Variants in KCND2 observed in about 807,000 individuals in gnomAD.
The protein encoded by KCND2 is potassium voltage-gated channel subfamily D member 2, also known as A-type voltage-gated potassium channel KCND2.
Under a neutral mutation model 54.4 loss-of-function variants are expected in KCND2, and 16 were observed. The observed-to-expected ratio is 0.29, with a 90% CI of 0.20 to 0.45. The LOEUF is 0.45. KCND2 is among the 20% of genes least tolerant of loss of function. The pLI is 1.00. For synonymous variants in KCND2, 317 were observed against 310.7 expected (o/e 1.02, Z -0.21); for missense variants, 486 against 824.2 (o/e 0.59, Z 5.02).
At chr7:120,643,545 C>T (rs1010610108) in intron 1 of KCND2, among the ~76,000 whole-genome samples, 10 of 151,898 alleles carry the variant, frequency 6.6e-5, no homozygotes, top group Admixed American at 1.3e-4. Flanking sequence ...AAGTAAATGA[C>T]GTGCTATTTA....
chr7:120,486,631 A>C (rs1447024924), intron 1 of KCND2, among the ~76,000 whole-genome samples: 1 of 152,016 alleles, frequency 6.6e-6, no homozygotes, highest in African/African-American at 2.4e-5. Context: ...TAAAATTTCC[A>C]TGCTGAAAAA....
chr7:120,319,994 G>T (rs1008297261), intron 1 of KCND2, among the ~76,000 whole-genome samples: 2 of 151,976 alleles, frequency 1.3e-5, no homozygotes, highest in African/African-American at 4.8e-5. Context: ...ATGCAAAAGT[G>T]CAAGATTGTT....
chr7:120,731,719 C>G (rs1792809105), intron 1 of KCND2, among the ~76,000 whole-genome samples: 1 of 152,170 alleles, frequency 6.6e-6, no homozygotes, highest in East Asian at 1.9e-4. Context: ...ATCTATGGCT[C>G]TGGCAAGAAA....
chr7:120,403,903 C>A (rs749488081), intron 1 of KCND2, among the ~76,000 whole-genome samples: 3 of 151,964 alleles, frequency 2.0e-5, no homozygotes, highest in African/African-American at 7.2e-5. Context: ...TTAAAAGAAT[C>A]TCAAGGTATT....
chr7:120,477,023 G>A (rs1802543243), intron 1 of KCND2, among the ~76,000 whole-genome samples: 1 of 152,194 alleles, frequency 6.6e-6, no homozygotes, highest in African/African-American at 2.4e-5. Flanking sequence ...TGCAACACCA[G>A]TGTATTTCTC....
At chr7:120,623,718 T>A (rs983868649) in intron 1 of KCND2, among the ~76,000 whole-genome samples, 1 of 152,154 alleles carries the variant, frequency 6.6e-6, no homozygotes, top group South Asian at 2.1e-4. Context: ...GTAAAATGGA[T>A]GATAGAAACA....
At chr7:120,299,152 C>A (rs1417658558) in intron 1 of KCND2, among the ~76,000 whole-genome samples, 1 of 151,784 alleles carries the variant, frequency 6.6e-6, no homozygotes, top group African/African-American at 2.4e-5. Context: ...AAGAGCGAAA[C>A]TCTGTCTAAA....
At chr7:120,445,122 A>G (rs1220745713) in intron 1 of KCND2, among the ~76,000 whole-genome samples, 1 of 152,284 alleles carries the variant, frequency 6.6e-6, no homozygotes, top group African/African-American at 2.4e-5. Context: ...AAGAAATGCA[A>G]TATTCTTTCA....
intron 1 of KCND2, among the ~76,000 whole-genome samples, chr7:120,383,385 TAAG>T (rs2116032208): frequency 6.6e-6 from 1 of 152,136 alleles, no homozygotes; most frequent in Admixed American, 6.6e-5. Context: ...ACAAATTACT[TAAG>T]AAACAATATA....
intron 1 of KCND2, among the ~76,000 whole-genome samples, chr7:120,377,244 T>A (rs1256306897): frequency 6.6e-6 from 1 of 151,946 alleles, no homozygotes; most frequent in Non-Finnish European, 1.5e-5. Flanking sequence ...GGATATAGAT[T>A]TATTTTTGAA....
chr7:120,731,964 C>T (rs1179519420), intron 1 of KCND2, among the ~76,000 whole-genome samples: 1 of 151,980 alleles, frequency 6.6e-6, no homozygotes, highest in African/African-American at 2.4e-5. Context: ...ATGAGAGTTC[C>T]ATTTTGGTTA....
chr7:120,516,638 T>TC (rs1803201061), intron 1 of KCND2, among the ~76,000 whole-genome samples: 1 of 152,128 alleles, frequency 6.6e-6, no homozygotes, highest in Non-Finnish European at 1.5e-5. Flanking sequence ...TGCCGGACTC[T>TC]CCAAGTGCTG....
At chr7:120,503,241 AGTTTTCCATTTTAT>A (rs1802962822) in intron 1 of KCND2, among the ~76,000 whole-genome samples, 1 of 152,066 alleles carries the variant, frequency 6.6e-6, no homozygotes, top group Non-Finnish European at 1.5e-5. Context: ...ATTTTGCTAC[AGTTTTCCATTTTAT>A]TTATGAAACA....
At chr7:120,724,475 G>A (rs1284145173) in intron 1 of KCND2, among the ~76,000 whole-genome samples, 2 of 152,206 alleles carry the variant, frequency 1.3e-5, no homozygotes, top group Non-Finnish European at 2.9e-5. Context: ...GAAATGGAAA[G>A]ACGTAGTACA....
At chr7:120,359,676 GC>G (rs1554431099) in intron 1 of KCND2, among the ~76,000 whole-genome samples, 3 of 152,052 alleles carry the variant, frequency 2.0e-5, no homozygotes, top group Non-Finnish European at 4.4e-5. Flanking sequence ...GCATCAAAAA[GC>G]TTTTGAGCAG....
At chr7:120,566,669 A>G (rs964441443) in intron 1 of KCND2, among the ~76,000 whole-genome samples, 1 of 152,130 alleles carries the variant, frequency 6.6e-6, no homozygotes, top group Non-Finnish European at 1.5e-5. Flanking sequence ...AATTCCCATT[A>G]CTATTTTTGT....
intron 1 of KCND2, among the ~76,000 whole-genome samples, chr7:120,686,351 G>C (rs570479348): frequency 3.4e-4 from 52 of 151,994 alleles, no homozygotes; most frequent in Non-Finnish European, 4.3e-4. Flanking sequence ...TTCCATAGTT[G>C]CTGCACCATT....
intron 1 of KCND2, among the ~76,000 whole-genome samples, chr7:120,605,563 A>C (rs151039275): frequency 3.0e-4 from 45 of 152,158 alleles, no homozygotes; most frequent in Non-Finnish European, 5.6e-4. Context: ...TACATTTTCA[A>C]TTCTCTTCAG....
At chr7:120,485,990 A>T (rs984197002) in intron 1 of KCND2, among the ~76,000 whole-genome samples, 38 of 152,206 alleles carry the variant, frequency 2.5e-4, no homozygotes, top group African/African-American at 8.9e-4. Flanking sequence ...TGTGTTTTTG[A>T]TGTATATATA....
Sources: allele counts gnomAD v4.1 joint callset (sites outside exome capture counted in the v4.1 genomes callset), GRCh38; gene constraint gnomAD v4.1.1; transcripts MANE v1.5; gene names NCBI Gene and HGNC (gene_info 2026-07-23, HGNC 2026-07-21).